Variants in FSTL4 observed in about 807,000 individuals in gnomAD.
The protein encoded by FSTL4 is follistatin-related protein 4.
FSTL4 carries 28 observed loss-of-function variants against 78.2 expected under a neutral mutation model. The observed-to-expected ratio is 0.36, with a 90% CI of 0.27 to 0.49. FSTL4 has a LOEUF of 0.49. FSTL4 is among the 20% of genes least tolerant of loss of function. FSTL4 has a pLI of 0.98. For synonymous variants in FSTL4, 422 were observed against 440.5 expected, an observed-to-expected ratio of 0.96 and a Z score of 0.53; for missense variants, 922 against 1,084.9, an observed-to-expected ratio of 0.85 and a Z score of 2.11.
chr5:133,221,228 G>C (rs1033641195), intron 11 of FSTL4, among the ~76,000 whole-genome samples: 1 of 152,180 alleles, frequency 6.6e-6, no homozygotes, highest in Non-Finnish European at 1.5e-5. Flanking sequence ...GTCACATCAG[G>C]ATGGATCAGT....
intron 3 of FSTL4, among the ~76,000 whole-genome samples, chr5:133,414,362 T>C (rs1756535692): frequency 6.6e-6 from 1 of 152,100 alleles, no homozygotes; most frequent in Non-Finnish European, 1.5e-5. Flanking sequence ...ACTGCAGATA[T>C]AGCACTTGAG....
chr5:133,233,744 G>A (rs533850137), intron 7 of FSTL4, among the ~76,000 whole-genome samples: 44 of 152,280 alleles, frequency 2.9e-4, no homozygotes, highest in African/African-American at 1.0e-3. Context: ...CCAGACCTCT[G>A]CATCTGTTTA....
At chr5:133,575,330 G>C (rs977742435) in intron 2 of FSTL4, 5 of 152,204 alleles carry the variant, frequency 3.3e-5, no homozygotes, top group African/African-American at 1.2e-4. Context: ...GTGGGGGCCA[G>C]CTGTGCCTCT....
At chr5:133,656,653 T>C in the FSTL4 span, among the ~76,000 whole-genome samples, 1 of 152,080 alleles carries the variant, frequency 6.6e-6, no homozygotes, top group Non-Finnish European at 1.5e-5. Context: ...GGCTACTGGA[T>C]TGATGAAGGC....
chr5:133,363,661 C>T (rs1456750198), intron 4 of FSTL4, among the ~76,000 whole-genome samples: 1 of 152,182 alleles, frequency 6.6e-6, no homozygotes, highest in Admixed American at 6.5e-5. Context: ...TCCTGAACCT[C>T]CAGCCAGTGT....
At chr5:133,712,110 C>T in the FSTL4 span, among the ~76,000 whole-genome samples, 5 of 152,164 alleles carry the variant, frequency 3.3e-5, no homozygotes, top group Admixed American at 6.5e-5. Flanking sequence ...ATGAGCTATC[C>T]TATTCGGAGC....
the FSTL4 span, among the ~76,000 whole-genome samples, chr5:133,797,057 T>C: frequency 6.6e-6 from 1 of 152,144 alleles, no homozygotes; most frequent in Non-Finnish European, 1.5e-5. Flanking sequence ...TGTAAAATAT[T>C]TTAAAGAGAT....
At chr5:133,512,020 T>G (rs1363807572) in intron 3 of FSTL4, among the ~76,000 whole-genome samples, 2 of 152,190 alleles carry the variant, frequency 1.3e-5, no homozygotes, top group African/African-American at 4.8e-5. Flanking sequence ...GCAAGGTCCT[T>G]GCTCCCTTAT....
At chr5:133,491,493 A>G (rs1489927296) in intron 3 of FSTL4, among the ~76,000 whole-genome samples, 1 of 148,768 alleles carries the variant, frequency 6.7e-6, no homozygotes, top group Non-Finnish European at 1.5e-5. Context: ...TCCACCTCCC[A>G]GGTTCATGCC....
chr5:133,603,840 G>T lies in FSTL4; in HGVS notation c.126+18C>A, dbSNP rs150489062. The T allele has an allele frequency of 6.2e-7, 1 of 1,612,400 alleles. No homozygotes were observed. Among genetic ancestry groups the T allele is most frequent in the African/African-American group, 1.3e-5 (1 of 75,004 alleles). On this transcript the variant is annotated intron_variant, in intron 2 of 15. Transcript: ENST00000265342. ...GCAATCAGTTTGAAATGTTATGTCC[G>T]CAGGGATTTGACTATACCTCTGCCT...
In FSTL4 at chr5:133,603,862, G is replaced by A. The variant is rs781318895; in HGVS notation, c.122C>T (p.Ala41Val). ...TCCGCAGGGATTTGACTATACCTCTGCCTGTGACTCCCCCACACCCACATC... is the reference window on the plus strand; with the variant it reads ...TCCGCAGGGATTTGACTATACCTCTACCTGTGACTCCCCCACACCCACATC... ...GPDVGVGESQ[A>V]EEPRSFEVTR... The change falls in exon 2 of 16, where the codon GCA (alanine) becomes GTA (valine). Residue 41 changes from alanine to valine, a missense_variant. By Grantham distance (64) the Ala-to-Val change is moderately conservative (BLOSUM62 0). Coordinates refer to ENST00000265342, the MANE Select transcript of FSTL4 (RefSeq NM_015082.2). 6.2e-6 allele frequency: 10 copies of A among 1,614,066 alleles called. No individual in the cohort carries two copies. In the South Asian group the frequency reaches 9.9e-5, roughly 16 times the overall value.
chr5:133,628,833 C>A, the FSTL4 span, among the ~76,000 whole-genome samples: 1 of 151,624 alleles, frequency 6.6e-6, no homozygotes, highest in African/African-American at 2.4e-5. Flanking sequence ...GATTTTGTAT[C>A]CTGAGACTTT....
At chr5:133,798,496 G>A in the FSTL4 span, among the ~76,000 whole-genome samples, 2,051 of 148,368 alleles carry the variant, frequency 0.014, 54 homozygotes, top group African/African-American at 0.048. Flanking sequence ...TAAGCTGTAA[G>A]ACTAGATTTA....
At chr5:133,222,056 C>T (rs1751152974) in intron 11 of FSTL4, among the ~76,000 whole-genome samples, 1 of 151,736 alleles carries the variant, frequency 6.6e-6, no homozygotes, top group African/African-American at 2.4e-5. Context: ...GTTTTCTGGG[C>T]CTTGGGTCCT....
At chr5:133,342,041 C>G (rs909000153) in intron 4 of FSTL4, among the ~76,000 whole-genome samples, 1 of 152,152 alleles carries the variant, frequency 6.6e-6, no homozygotes, top group Non-Finnish European at 1.5e-5. Context: ...CTCGCACAGA[C>G]CCCACACAGG....
intron 3 of FSTL4, among the ~76,000 whole-genome samples, chr5:133,559,198 C>G (rs992758451): frequency 6.6e-6 from 1 of 152,202 alleles, no homozygotes; most frequent in Admixed American, 6.5e-5. Flanking sequence ...ATGATTTTAA[C>G]TCACAGATAA....
intron 4 of FSTL4, among the ~76,000 whole-genome samples, chr5:133,329,352 T>C (rs1313419380): frequency 1.3e-5 from 2 of 152,102 alleles, no homozygotes; most frequent in Non-Finnish European, 2.9e-5. Context: ...TGGCCTGGTG[T>C]ATTAGTCGGG....
chr5:133,646,899 T>C, the FSTL4 span, among the ~76,000 whole-genome samples: 2 of 152,144 alleles, frequency 1.3e-5, no homozygotes, highest in African/African-American at 4.8e-5. Flanking sequence ...CTGTACCATT[T>C]TCGTCGTTTT....
chr5:133,575,184 T>G (rs1329143240), intron 2 of FSTL4: 1 of 152,222 alleles, frequency 6.6e-6, no homozygotes, highest in African/African-American at 2.4e-5. Context: ...AGGGAAAGAC[T>G]GCAACTTGCT....
Sources: gnomAD v4.1 joint callset for allele counts (sites outside exome capture counted in the v4.1 genomes callset) on GRCh38, gnomAD v4.1.1 for gene constraint, MANE v1.5 for transcripts, NCBI Gene and HGNC (gene_info 2026-07-23, HGNC 2026-07-21) for gene names.